Variants in TAFA2 observed in about 807,000 individuals in gnomAD.
TAFA2 encodes chemokine-like protein TAFA-2.
In TAFA2, 7 loss-of-function variants were observed where a neutral mutation model predicts 18.8. The observed-to-expected ratio is 0.37, with a 90% CI of 0.21 to 0.70. The LOEUF is 0.70. TAFA2 is among the 30% of genes least tolerant of loss of function. The pLI is 0.53. For synonymous variants in TAFA2, 60 were observed against 54.2 expected (o/e 1.11, Z -0.47); for missense variants, 122 against 158.1 (o/e 0.77, Z 1.23).
At chr12:62,048,455 G>A (rs1881965859) in intron 1 of TAFA2, among the ~76,000 whole-genome samples, 1 of 151,964 alleles carries the variant, frequency 6.6e-6, no homozygotes, top group South Asian at 2.1e-4. Flanking sequence ...AGGATTCTGG[G>A]GATTTTAATT....
intron 1 of TAFA2, among the ~76,000 whole-genome samples, chr12:62,040,835 A>C (rs1179114570): frequency 6.6e-6 from 1 of 152,170 alleles, no homozygotes; most frequent in Non-Finnish European, 1.5e-5. Context: ...GGTCAAACTG[A>C]ATATAAAGAG....
chr12:61,791,284 C>T (rs1408952212), intron 2 of TAFA2, among the ~76,000 whole-genome samples: 2 of 151,778 alleles, frequency 1.3e-5, no homozygotes, highest in Non-Finnish European at 2.9e-5. Context: ...TACTTCTTGA[C>T]ATTGGACTGG....
At chr12:61,994,197 A>G (rs1041890851) in intron 1 of TAFA2, among the ~76,000 whole-genome samples, 4 of 152,134 alleles carry the variant, frequency 2.6e-5, no homozygotes, top group African/African-American at 9.7e-5. Flanking sequence ...TTCAGAGTCC[A>G]TATCTCCACT....
intron 1 of TAFA2, among the ~76,000 whole-genome samples, chr12:62,036,489 A>T (rs1029882427): frequency 1.3e-5 from 2 of 152,140 alleles, no homozygotes; most frequent in African/African-American, 4.8e-5. Context: ...CTAGTTATGT[A>T]CTTCCCCATT....
chr12:61,819,833 A>C (rs192298629), intron 2 of TAFA2, among the ~76,000 whole-genome samples: 18 of 152,200 alleles, frequency 1.2e-4, no homozygotes, highest in Admixed American at 9.8e-4. Flanking sequence ...TTCAGTGCCC[A>C]TTCCCATGCA....
intron 1 of TAFA2, among the ~76,000 whole-genome samples, chr12:62,226,322 T>C (rs2062786311): frequency 6.6e-6 from 1 of 152,056 alleles, no homozygotes; most frequent in Admixed American, 6.6e-5. Context: ...GCCTCCCCAG[T>C]AGCTGGGACT....
chr12:61,974,885 A>G (rs1879374482), intron 1 of TAFA2, among the ~76,000 whole-genome samples: 1 of 151,804 alleles, frequency 6.6e-6, no homozygotes, highest in South Asian at 2.1e-4. Flanking sequence ...GAGTTCATCG[A>G]AGTATCAGCT....
intron 1 of TAFA2, among the ~76,000 whole-genome samples, chr12:61,903,669 A>T (rs1592473496): frequency 1.3e-5 from 2 of 152,156 alleles, no homozygotes; most frequent in East Asian, 3.9e-4. Context: ...TTTTCATGTC[A>T]AATTTTAAAA....
chr12:61,775,226 C>G (rs1036884354), intron 2 of TAFA2, among the ~76,000 whole-genome samples: 1 of 151,728 alleles, frequency 6.6e-6, no homozygotes, highest in Non-Finnish European at 1.5e-5. Flanking sequence ...AATTGTACAG[C>G]CCCTCTGTAA....
chr12:62,042,931 C>T (rs539652412), intron 1 of TAFA2, among the ~76,000 whole-genome samples: 72 of 152,194 alleles, frequency 4.7e-4, no homozygotes, highest in African/African-American at 1.7e-3. Context: ...GTAGGGTCCT[C>T]ATCATCAGAA....
At chr12:61,921,651 G>A (rs1363661695) in intron 1 of TAFA2, among the ~76,000 whole-genome samples, 1 of 152,066 alleles carries the variant, frequency 6.6e-6, no homozygotes, top group East Asian at 1.9e-4. Flanking sequence ...TATTAATTCT[G>A]CAATTAGAAT....
chr12:62,209,790 C>A (rs2062706139), intron 1 of TAFA2, among the ~76,000 whole-genome samples: 1 of 152,160 alleles, frequency 6.6e-6, no homozygotes, highest in Admixed American at 6.5e-5. Flanking sequence ...GGAAAGAAAA[C>A]TAATACTTAT....
intron 1 of TAFA2, among the ~76,000 whole-genome samples, chr12:62,011,572 C>T (rs1239732091): frequency 6.6e-6 from 1 of 151,820 alleles, no homozygotes; most frequent in African/African-American, 2.4e-5. Flanking sequence ...GAGTCATCAC[C>T]ACTCCCTAAT....
intron 1 of TAFA2, among the ~76,000 whole-genome samples, chr12:62,019,704 GAT>G (rs1210313026): frequency 6.6e-6 from 1 of 151,228 alleles, no homozygotes; most frequent in Non-Finnish European, 1.5e-5. Context: ...AGCATTAGGA[GAT>G]ATACCTAATG....
chr12:61,752,715 C>A (rs1328343026), intron 4 of TAFA2, among the ~76,000 whole-genome samples: 1 of 151,944 alleles, frequency 6.6e-6, no homozygotes, highest in East Asian at 1.9e-4. Context: ...TAGATGAGAT[C>A]ATAAAATAAG....
rs184309391 is a variant in TAFA2, at chr12:62,235,727, T to A, written c.-130+23036A>T. On this transcript the variant is annotated intron_variant, in intron 1 of 5. Transcript: ENST00000551619. ...TGCTTTTTATTTTTAGTGGATCTAT[T>A]TTAGGTTTTTGGAGGAAGGTTTGCT... is the stretch of plus-strand genomic sequence containing the variant. 7.0e-4 allele frequency among the ~76,000 whole-genome samples: 106 copies of A among 152,284 alleles called. 1 individual carries two copies. Among genetic ancestry groups the A allele is most frequent in the Admixed American group, 1.4e-3 (21 of 15,290 alleles).
intron 4 of TAFA2, among the ~76,000 whole-genome samples, chr12:61,739,489 G>A (rs980440579): frequency 2.6e-5 from 4 of 151,864 alleles, no homozygotes; most frequent in Non-Finnish European, 5.9e-5. Context: ...AAACAATTTT[G>A]TTTCATGTTA....
chr12:61,966,244 C>A (rs527356245), intron 1 of TAFA2, among the ~76,000 whole-genome samples: 2 of 152,040 alleles, frequency 1.3e-5, no homozygotes, highest in South Asian at 2.1e-4. Flanking sequence ...TCTCACAGTT[C>A]TGGAGGCTAA....
intron 2 of TAFA2, among the ~76,000 whole-genome samples, chr12:61,818,698 CAT>C (rs1872196724): frequency 6.6e-6 from 1 of 152,130 alleles, no homozygotes; most frequent in South Asian, 2.1e-4. Context: ...CAAAGGAACA[CAT>C]GATAGTCTTA....
Sources: allele counts gnomAD v4.1 joint callset (sites outside exome capture counted in the v4.1 genomes callset), GRCh38; gene constraint gnomAD v4.1.1; transcripts MANE v1.5; gene names NCBI Gene and HGNC (gene_info 2026-07-23, HGNC 2026-07-21).